Variants in ADAT2 observed in about 807,000 individuals in gnomAD.
The protein encoded by ADAT2 is tRNA-specific adenosine-34 deaminase catalytic subunit ADAT2.
ADAT2 carries 26 observed loss-of-function variants against 25.9 expected under a neutral mutation model. The ratio of observed to expected loss-of-function variants is 1.00; its 90% CI spans 0.74 to 1.39. The LOEUF is 1.39. Among genes scored for constraint, ADAT2 ranks in the 40% most tolerant of loss-of-function variants. The pLI, the probability that ADAT2 is intolerant of heterozygous loss-of-function variation, is 0.00. For missense variants in ADAT2, 220 were observed against 244.8 expected (o/e 0.90, Z 0.68); for synonymous variants, 76 against 86.8 (o/e 0.88, Z 0.69).
In ADAT2 at chr6:143,446,859, T is replaced by TA. The variant is rs1779614516; in HGVS notation, c.96+3703dup. 6.6e-6 allele frequency among the ~76,000 whole-genome samples: 1 copy of TA among 152,188 alleles called. No homozygotes were observed. The highest frequency in any genetic ancestry group is 2.4e-5 in the African/African-American group (1 of 41,438). ...CCTGATAGGGCTTCTGTGGGGCTTA[T>TA]AACATGGCCCACATGAAAACACTGT... On this transcript the variant is annotated intron_variant, in intron 1 of 5. Coordinates refer to ENST00000237283, the MANE Select transcript of ADAT2 (RefSeq NM_182503.3). The surrounding 1 kb of genome is among the most constrained non-coding windows in gnomAD (Gnocchi z 5.0).
intron 4 of ADAT2, among the ~76,000 whole-genome samples, chr6:143,430,133 G>A (rs914937632): frequency 6.6e-6 from 1 of 152,122 alleles, no homozygotes; most frequent in Non-Finnish European, 1.5e-5. Flanking sequence ...TGGCTTCTCA[G>A]CATTTTACCA....
At position 143,442,960 on chromosome 6, in the gene ADAT2, G is replaced by C. The variant is rs1388420968; in HGVS notation, c.97-4266C>G. On this transcript the variant is annotated intron_variant, in intron 1 of 5. Transcript: ENST00000237283. The surrounding 1 kb of genome is among the most constrained non-coding windows in gnomAD (Gnocchi z 4.6). Reference sequence around the variant, plus strand: ...ATACTTTCCCCAACAAACCTCTTAAGAGAGGTAATGTTTTGTCTGCATCTC... The same window carrying C: ...ATACTTTCCCCAACAAACCTCTTAACAGAGGTAATGTTTTGTCTGCATCTC... Among the ~76,000 whole-genome samples the C allele has an allele frequency of 1.3e-5, 2 of 152,190 alleles. No homozygotes were observed. Among genetic ancestry groups the C allele is most frequent in the Non-Finnish European group, 2.9e-5 (2 of 68,032 alleles).
At position 143,434,108 on chromosome 6, in the gene ADAT2, CAA is replaced by C; in HGVS notation, c.202-129_202-128del. 1 of 1,209,002 alleles carries C rather than the reference CAA, an allele frequency of 8.3e-7. No homozygotes were observed. Among genetic ancestry groups the C allele is most frequent in the Non-Finnish European group, 1.2e-6 (1 of 858,150 alleles). 74.9% of individuals were successfully genotyped at this position (1,209,002 alleles called of 1,614,324 possible). A position where few individuals can be genotyped will look rare whatever the true frequency, so the allele number is the denominator to read the frequency against. ...GCCAATATTTTAATGAATACAGTTT[CAA>C]GACACCCTTAGCAGTGGACAACGTA... On this transcript the variant is annotated intron_variant, in intron 2 of 5. Coordinates refer to ENST00000237283, the MANE Select transcript of ADAT2 (RefSeq NM_182503.3). This position sits in a 1 kb window ranked among gnomAD's most constrained non-coding sequence, Gnocchi z 4.5.
intron 3 of ADAT2, 42 bp downstream of exon 3, chr6:143,433,789 C>T (rs1259802915): frequency 1.9e-6 from 3 of 1,561,208 alleles, no homozygotes; most frequent in African/African-American, 1.4e-5. Flanking sequence ...CTCTTGTTCA[C>T]ACGAATGGTA....
rs1779148179 is a variant in ADAT2, at chr6:143,432,595, T to G, written c.369A>C (p.Val123=). ...ALRLMKIPLV[V]YGCQNERFGG... ...CAAATCGTTCATTCTGACAGCCATA[T>G]ACAACCAGCGGGATTTATAAGACAG... Residue 123 remains valine (V), a synonymous_variant, in exon 4 of 6, where the codon GTA becomes GTC. Transcript: ENST00000237283. This position sits in a 1 kb window ranked among gnomAD's most constrained non-coding sequence, Gnocchi z 4.4. 3.7e-6 allele frequency: 6 copies of G among 1,614,206 alleles called. No individual in the cohort carries two copies. The highest frequency in any genetic ancestry group is 5.1e-6 in the Non-Finnish European group (6 of 1,180,020).
chr6:143,447,297 T>C (rs1396261259), intron 1 of ADAT2, among the ~76,000 whole-genome samples: 1 of 152,190 alleles, frequency 6.6e-6, no homozygotes, highest in Non-Finnish European at 1.5e-5. Flanking sequence ...TTAGGCATTA[T>C]GGTTTTAGAA....
chr6:143,434,024 G>A lies in ADAT2; in HGVS notation c.202-43C>T, dbSNP rs780564931. ...CTTGCACTGATGCTGTTTGCTTCATGTGACTACTATTTTACAAATATACAA... is the reference window on the plus strand; with the variant it reads ...CTTGCACTGATGCTGTTTGCTTCATATGACTACTATTTTACAAATATACAA... On this transcript the variant is annotated intron_variant, in intron 2 of 5. Coordinates refer to ENST00000237283, the MANE Select transcript of ADAT2 (RefSeq NM_182503.3). This position sits in a 1 kb window ranked among gnomAD's most constrained non-coding sequence, Gnocchi z 4.5. 1.3e-4 allele frequency: 207 copies of A among 1,606,428 alleles called. No homozygotes were observed. Among genetic ancestry groups the A allele is most frequent in the Non-Finnish European group, 1.7e-4 (195 of 1,177,426 alleles).
At chr6:143,439,776 T>C (rs1583984314) in intron 1 of ADAT2, among the ~76,000 whole-genome samples, 1 of 152,280 alleles carries the variant, frequency 6.6e-6, no homozygotes, top group African/African-American at 2.4e-5. Context: ...ACAGAGATGT[T>C]TGCATTATTC....
In ADAT2 at chr6:143,442,510, C is replaced by CACAT. The variant is rs1554279354; in HGVS notation, c.97-3817_97-3816insATGT. Reference sequence around the variant, plus strand: ...ACACACACACACACACACACACACACGTACAAATAAAACTGATGACATCTT... The same window carrying CACAT: ...ACACACACACACACACACACACACACACATGTACAAATAAAACTGATGACATCTT... On this transcript the variant is annotated intron_variant, in intron 1 of 5. Coordinates refer to ENST00000237283, the MANE Select transcript of ADAT2 (RefSeq NM_182503.3). The surrounding 1 kb of genome is among the most constrained non-coding windows in gnomAD (Gnocchi z 4.6). Among the ~76,000 whole-genome samples, 1 of 150,950 alleles carries CACAT rather than the reference C, an allele frequency of 6.6e-6. No individual in the cohort carries two copies. Among genetic ancestry groups the CACAT allele is most frequent in the Non-Finnish European group, 1.5e-5 (1 of 67,718 alleles).
chr6:143,436,334 T>C lies in ADAT2; in HGVS notation c.201+2256A>G. 4.1e-6 allele frequency: 1 copy of C among 244,098 alleles called. No individual in the cohort carries two copies. The highest frequency in any genetic ancestry group is 6.0e-5 in the South Asian group (1 of 16,780). 15.1% of individuals were successfully genotyped at this position (244,098 alleles called of 1,614,324 possible). A position where few individuals can be genotyped will look rare whatever the true frequency, so the allele number is the denominator to read the frequency against. ...GAGGCTGCCATTTTCAGGGGCTGGA[T>C]GTCCATGAGGGAGGTAGAGGAGAAA... On this transcript the variant is annotated intron_variant, in intron 2 of 5. Coordinates refer to ENST00000237283, the MANE Select transcript of ADAT2 (RefSeq NM_182503.3). The surrounding 1 kb of genome is among the most constrained non-coding windows in gnomAD (Gnocchi z 4.1).
chr6:143,450,554 G>T lies in ADAT2; in HGVS notation c.96+9C>A. ...CCACCCCGCAGCATCTACCTCCCGG[G>T]CTCCTCACCATGTGCATCGCCTCCT... On this transcript the variant is annotated intron_variant, in intron 1 of 5. Transcript: ENST00000237283. The T allele has an allele frequency of 6.2e-7, 1 of 1,613,920 alleles. No homozygotes were observed. The highest frequency in any genetic ancestry group is 8.5e-7 in the Non-Finnish European group (1 of 1,179,946).
Position 143,427,781 on chromosome 6 carries a change from AT to A in ADAT2, c.*681del, listed in dbSNP as rs1448518017. On this transcript the variant is annotated 3_prime_UTR_variant, in exon 6 of 6. Coordinates refer to ENST00000237283, the MANE Select transcript of ADAT2 (RefSeq NM_182503.3). ...TTTTTTGCTCAATAACAATTGTCCC[AT>A]TTATGTCTTTATCTTTTAAGACTAT... is the stretch of plus-strand genomic sequence containing the variant. 3 of 152,236 alleles carry A rather than the reference AT, an allele frequency of 2.0e-5. No individual in the cohort carries two copies. Among genetic ancestry groups the A allele is most frequent in the Non-Finnish European group, 4.4e-5 (3 of 68,068 alleles). The allele number at this position is 152,236 out of a possible 1,614,324, so 9.4% of individuals were successfully genotyped here.
chr6:143,438,630 A>C lies in ADAT2; in HGVS notation c.161T>G (p.Val54Gly). 1 of 1,613,354 alleles carries C rather than the reference A, an allele frequency of 6.2e-7. No homozygotes were observed. The highest frequency in any genetic ancestry group is 8.5e-7 in the Non-Finnish European group (1 of 1,179,476). The change falls in exon 2 of 6, where the codon GTT (valine) becomes GGT (glycine). Residue 54 changes from valine to glycine, a missense_variant. Coordinates refer to ENST00000237283, the MANE Select transcript of ADAT2 (RefSeq NM_182503.3). ...AACTTCATTTCTCCCCTTCCCTACA[A>C]CTTCATTGTTGTAGACCATAAGACA... is the stretch of plus-strand genomic sequence containing the variant. ...VGCLMVYNNE[V>G]VGKGRNEVNQ... is the part of the protein sequence containing the mutation.
rs1288988877 is a variant in ADAT2, at chr6:143,442,971, T to C, written c.97-4277A>G. Among the ~76,000 whole-genome samples, 1 of 152,214 alleles carries C rather than the reference T, an allele frequency of 6.6e-6. No individual in the cohort carries two copies. Among genetic ancestry groups the C allele is most frequent in the Non-Finnish European group, 1.5e-5 (1 of 68,036 alleles). On this transcript the variant is annotated intron_variant, in intron 1 of 5. Coordinates refer to ENST00000237283, the MANE Select transcript of ADAT2 (RefSeq NM_182503.3). This position sits in a 1 kb window ranked among gnomAD's most constrained non-coding sequence, Gnocchi z 4.6. ...AACAAACCTCTTAAGAGAGGTAATGTTTTGTCTGCATCTCGAGTATTCTGG... is the reference window on the plus strand; with the variant it reads ...AACAAACCTCTTAAGAGAGGTAATGCTTTGTCTGCATCTCGAGTATTCTGG...
intron 1 of ADAT2, among the ~76,000 whole-genome samples, chr6:143,445,866 C>T (rs987278697): frequency 6.6e-6 from 1 of 152,040 alleles, no homozygotes; most frequent in African/African-American, 2.4e-5. Context: ...TTCGAATTTC[C>T]CTCAGAGCCT....
In ADAT2 at chr6:143,428,369, AT is replaced by A. The variant is rs2128738001; in HGVS notation, c.*93del. 1 of 1,383,264 alleles carries A rather than the reference AT, an allele frequency of 7.2e-7. No homozygotes were observed. The highest frequency in any genetic ancestry group is 1.0e-6 in the Non-Finnish European group (1 of 997,740). The allele number at this position is 1,383,264 out of a possible 1,614,324, so 85.7% of individuals were successfully genotyped here. A position where few individuals can be genotyped will look rare whatever the true frequency, so the allele number is the denominator to read the frequency against. On this transcript the variant is annotated 3_prime_UTR_variant, in exon 6 of 6. Transcript: ENST00000237283. The surrounding 1 kb of genome is among the most constrained non-coding windows in gnomAD (Gnocchi z 5.0). ...CATTTTCCTGCAGATTAAAAACAATATATAAACATATGATTCAACGATGTCA... is the reference window on the plus strand; with the variant it reads ...CATTTTCCTGCAGATTAAAAACAATAATAAACATATGATTCAACGATGTCA...
Position 143,446,415 on chromosome 6 carries a change from CAAGTA to C in ADAT2, c.96+4143_96+4147del, listed in dbSNP as rs1424570040. 1.3e-5 allele frequency among the ~76,000 whole-genome samples: 2 copies of C among 152,086 alleles called. No individual in the cohort carries two copies. Among genetic ancestry groups the C allele is most frequent in the Non-Finnish European group, 2.9e-5 (2 of 68,028 alleles). ...GATTCAAATTCTTCACTATTATAAA[CAAGTA>C]AAGAACTTCTCTATATAAATATTTA... On this transcript the variant is annotated intron_variant, in intron 1 of 5. Coordinates refer to ENST00000237283, the MANE Select transcript of ADAT2 (RefSeq NM_182503.3). This position sits in a 1 kb window ranked among gnomAD's most constrained non-coding sequence, Gnocchi z 5.0.
At position 143,424,075 on chromosome 6, in the gene ADAT2, G is replaced by A. The variant is rs1246578382; in HGVS notation, c.*4388C>T. The stretch of plus-strand genomic sequence containing the variant: ...GAGCCTGTTTTCATTAGCTCAACTT[G>A]AAGAAAATGTAAGATCCTAAAGATG... On this transcript the variant is annotated 3_prime_UTR_variant, in exon 6 of 6. Transcript: ENST00000237283. This position sits in a 1 kb window ranked among gnomAD's most constrained non-coding sequence, Gnocchi z 4.8. 6.6e-6 allele frequency: 1 copy of A among 152,008 alleles called. No homozygotes were observed. The highest frequency in any genetic ancestry group is 1.5e-5 in the Non-Finnish European group (1 of 68,028). 9.4% of individuals were successfully genotyped at this position (152,008 alleles called of 1,614,324 possible).
chr6:143,448,349 T>C (rs1291191376), intron 1 of ADAT2, among the ~76,000 whole-genome samples: 2 of 152,102 alleles, frequency 1.3e-5, no homozygotes, highest in African/African-American at 4.8e-5. Flanking sequence ...CATGTATACA[T>C]ATGTAACAAA....
Sources: gnomAD v4.1 joint callset for allele counts (sites outside exome capture counted in the v4.1 genomes callset) on GRCh38, gnomAD v4.1.1 for gene constraint, Gnocchi (gnomAD v3.1) non-coding constraint, MANE v1.5 for transcripts, NCBI Gene and HGNC (gene_info 2026-07-23, HGNC 2026-07-21) for gene names.